PTPRD: variants seen among roughly 807,000 people sequenced by gnomAD.
PTPRD encodes receptor-type tyrosine-protein phosphatase delta.
Under a neutral mutation model 214.5 loss-of-function variants are expected in PTPRD, and 34 were observed. The ratio of observed to expected loss-of-function variants is 0.16; its 90% CI spans 0.12 to 0.21. PTPRD has a LOEUF of 0.21. Among genes scored for constraint, PTPRD ranks in the 10% least tolerant of loss-of-function variants. PTPRD has a pLI of 1.00. For missense variants in PTPRD, 2,545 were observed against 2,398.7 expected, an observed-to-expected ratio of 1.06 and a Z score of -1.27; for synonymous variants, 1,128 against 845.7, an observed-to-expected ratio of 1.33 and a Z score of -5.79.
chr9:10,148,792 T>C (rs1340110099), intron 3 of PTPRD, among the ~76,000 whole-genome samples: 1 of 152,184 alleles, frequency 6.6e-6, no homozygotes, highest in Non-Finnish European at 1.5e-5. Context: ...TGTCTATGTA[T>C]ACTTTAAAGC....
chr9:8,717,840 G>A (rs903272876), intron 12 of PTPRD, among the ~76,000 whole-genome samples: 3 of 152,086 alleles, frequency 2.0e-5, no homozygotes, highest in South Asian at 2.1e-4. Context: ...TCTGTCTCCG[G>A]CACACCTATG....
At chr9:10,112,300 A>C (rs1281580011) in intron 3 of PTPRD, among the ~76,000 whole-genome samples, 1 of 152,164 alleles carries the variant, frequency 6.6e-6, no homozygotes, top group Non-Finnish European at 1.5e-5. Context: ...CCTAATTCTT[A>C]TTATCTTATC....
At chr9:8,553,076 T>C (rs2082596709) in intron 14 of PTPRD, among the ~76,000 whole-genome samples, 1 of 152,078 alleles carries the variant, frequency 6.6e-6, no homozygotes, top group Non-Finnish European at 1.5e-5. Flanking sequence ...AACCACAGAA[T>C]ATGAAGAATC....
intron 12 of PTPRD, among the ~76,000 whole-genome samples, chr9:8,678,365 A>C (rs2097479920): frequency 6.6e-6 from 1 of 152,170 alleles, no homozygotes; most frequent in Non-Finnish European, 1.5e-5. Flanking sequence ...CATCACACTT[A>C]TGTTCCTTCT....
At chr9:8,859,302 C>T (rs1363201474) in intron 11 of PTPRD, among the ~76,000 whole-genome samples, 2 of 152,216 alleles carry the variant, frequency 1.3e-5, no homozygotes, top group Admixed American at 6.5e-5. Context: ...GGGCTATGCA[C>T]TCTTCATCCA....
chr9:9,467,956 T>A (rs1589208850), intron 8 of PTPRD, among the ~76,000 whole-genome samples: 1 of 152,144 alleles, frequency 6.6e-6, no homozygotes, highest in African/African-American at 2.4e-5. Flanking sequence ...GCCTACACAT[T>A]TTTTTCCTGT....
At chr9:10,143,933 G>C (rs1168605806) in intron 3 of PTPRD, among the ~76,000 whole-genome samples, 1 of 151,994 alleles carries the variant, frequency 6.6e-6, no homozygotes, top group Non-Finnish European at 1.5e-5. Context: ...CAAGCATTCA[G>C]AAACTACCTA....
chr9:10,107,404 T>C (rs2098644746), intron 3 of PTPRD, among the ~76,000 whole-genome samples: 1 of 152,036 alleles, frequency 6.6e-6, no homozygotes, highest in Non-Finnish European at 1.5e-5. Context: ...ACATGACTCA[T>C]TTTTTTGTTG....
At chr9:9,637,656 C>A (rs987514581) in intron 7 of PTPRD, among the ~76,000 whole-genome samples, 2 of 152,186 alleles carry the variant, frequency 1.3e-5, no homozygotes, top group Non-Finnish European at 2.9e-5. Context: ...ATGCCTGAGG[C>A]CTTTCCAGGC....
chr9:8,657,548 C>T (rs961481394), intron 12 of PTPRD, among the ~76,000 whole-genome samples: 5 of 152,126 alleles, frequency 3.3e-5, no homozygotes, highest in African/African-American at 9.7e-5. Flanking sequence ...AGATATCTGT[C>T]AGATGAATAC....
chr9:9,466,555 A>C (rs2094170974), intron 8 of PTPRD, among the ~76,000 whole-genome samples: 1 of 152,170 alleles, frequency 6.6e-6, no homozygotes, highest in Non-Finnish European at 1.5e-5. Context: ...GAGTGTATTC[A>C]AAACACAAAT....
chr9:10,450,154 T>C (rs917409971), intron 2 of PTPRD, among the ~76,000 whole-genome samples: 1 of 151,828 alleles, frequency 6.6e-6, no homozygotes, highest in South Asian at 2.1e-4. Context: ...CTTGTTCACA[T>C]GTTTATCTGA....
At chr9:9,246,341 C>G (rs190113202) in intron 9 of PTPRD, among the ~76,000 whole-genome samples, 18 of 152,164 alleles carry the variant, frequency 1.2e-4, no homozygotes, top group African/African-American at 4.3e-4. Flanking sequence ...GCCCTGCAAG[C>G]TGAAGCTTGA....
At chr9:9,419,059 T>C (rs904250120) in intron 8 of PTPRD, among the ~76,000 whole-genome samples, 1 of 151,176 alleles carries the variant, frequency 6.6e-6, no homozygotes, top group African/African-American at 2.4e-5. Flanking sequence ...CATATGAAGA[T>C]GCTACAAGAG....
rs372623705 is a variant in PTPRD at position 8,944,053 on chromosome 9, GA to G, written c.-104+74643del. On this transcript the variant is annotated intron_variant, in intron 11 of 45. Transcript: ENST00000381196. ...GTAAGGAGCTCAAACAACTAAGTAG[GA>G]AAAAAAAATCTAGTAATCTGATTCA... Among the ~76,000 whole-genome samples, 93 of 150,666 alleles carry G rather than the reference GA, an allele frequency of 6.2e-4. 1 individual carries two copies. The South Asian group carries it at 0.014, about 22-fold the overall frequency.
intron 43 of PTPRD, among the ~76,000 whole-genome samples, chr9:8,332,190 T>G (rs1287211575): frequency 6.6e-6 from 1 of 152,128 alleles, no homozygotes. Context: ...CACCTAGGCA[T>G]GTCATCCAGA....
intron 7 of PTPRD, among the ~76,000 whole-genome samples, chr9:9,658,969 C>T (rs957950239): frequency 6.6e-6 from 1 of 152,016 alleles, no homozygotes; most frequent in African/African-American, 2.4e-5. Context: ...AGAAGTAGAA[C>T]ACAAACTATC....
chr9:8,741,653 G>A (rs1277964304), intron 11 of PTPRD, among the ~76,000 whole-genome samples: 1 of 121,956 alleles, frequency 8.2e-6, no homozygotes, highest in African/African-American at 3.5e-5. Flanking sequence ...GTGTGATCTC[G>A]GCTCACTGCA....
intron 3 of PTPRD, among the ~76,000 whole-genome samples, chr9:10,238,150 C>G (rs2099635194): frequency 3.7e-5 from 2 of 53,710 alleles, no homozygotes; most frequent in African/African-American, 8.1e-5. Flanking sequence ...GCTGACCATA[C>G]AAATTGGGGT....
Sources: allele counts gnomAD v4.1 joint callset (sites outside exome capture counted in the v4.1 genomes callset), GRCh38; gene constraint gnomAD v4.1.1; transcripts MANE v1.5; gene names NCBI Gene and HGNC (gene_info 2026-07-23, HGNC 2026-07-21).